Variants in MEI4 observed in about 807,000 individuals in gnomAD.
The protein encoded by MEI4 is meiosis-specific protein MEI4.
A neutral mutation model predicts 31.4 loss-of-function variants in MEI4; 27 were observed. The ratio of observed to expected loss-of-function variants is 0.86; its 90% CI spans 0.63 to 1.19. The LOEUF (loss-of-function observed/expected upper bound fraction) is 1.19. Ranked by LOEUF, MEI4 falls within the 50% of genes most tolerant of loss-of-function variation. The pLI, the probability that MEI4 is intolerant of heterozygous loss-of-function variation, is 0.00. For synonymous variants in MEI4, 122 were observed against 145.4 expected (o/e 0.84, Z 1.16); for missense variants, 329 against 398.9 (o/e 0.82, Z 1.49).
At chr6:77,698,040 T>G (rs1766100454) in intron 2 of MEI4, among the ~76,000 whole-genome samples, 1 of 152,228 alleles carries the variant, frequency 6.6e-6, no homozygotes. Flanking sequence ...TTGTGTCTTT[T>G]GATCTTTGTT....
chr6:77,873,190 A>T (rs1358685785), intron 4 of MEI4, among the ~76,000 whole-genome samples: 1 of 152,206 alleles, frequency 6.6e-6, no homozygotes, highest in Non-Finnish European at 1.5e-5. Context: ...TGACTTCCAC[A>T]ATGGTTGAAC....
chr6:77,659,052 G>T (rs1053517094), intron 1 of MEI4, among the ~76,000 whole-genome samples: 10 of 152,140 alleles, frequency 6.6e-5, no homozygotes, highest in Non-Finnish European at 1.3e-4. Flanking sequence ...GGGCCTGGAG[G>T]ACTGATAAAG....
intron 2 of MEI4, among the ~76,000 whole-genome samples, chr6:77,697,252 G>A (rs562081637): frequency 1.7e-4 from 26 of 152,096 alleles, no homozygotes; most frequent in African/African-American, 6.3e-4. Flanking sequence ...AGAGTTTTTT[G>A]TGTCTCTATT....
In MEI4 at chr6:77,684,470, G is replaced by A. The variant is rs9443438; in HGVS notation, c.-14-6188G>A. On this transcript the variant is annotated intron_variant, in intron 1 of 4. Transcript: ENST00000684080. ...CTGTCTACTTTTTTTTTTGGTACCC[G>A]TTACCTATCCCCACCTTTCCCCAGG... 8.1e-3 allele frequency among the ~76,000 whole-genome samples: 1,226 copies of A among 151,004 alleles called. 14 individuals carry two copies. Among genetic ancestry groups the A allele is most frequent in the African/African-American group, 0.027 (1,102 of 41,170 alleles).
At chr6:77,742,514 ATAT>A (rs1767439381) in intron 2 of MEI4, among the ~76,000 whole-genome samples, 1 of 151,990 alleles carries the variant, frequency 6.6e-6, no homozygotes, top group Admixed American at 6.6e-5. Context: ...TAGATTCTGG[ATAT>A]TAGCCCCTTG....
At chr6:77,689,494 T>A (rs538724060) in intron 1 of MEI4, among the ~76,000 whole-genome samples, 27 of 150,088 alleles carry the variant, frequency 1.8e-4, no homozygotes, top group Middle Eastern at 3.4e-3. Context: ...TATCAGATAG[T>A]TAGTTACACA....
chr6:77,817,904 CACTT>C (rs1013895682), intron 3 of MEI4, among the ~76,000 whole-genome samples: 9 of 152,284 alleles, frequency 5.9e-5, no homozygotes, highest in African/African-American at 1.9e-4. Context: ...TTGTGTCACT[CACTT>C]AGGCAGTGTC....
intron 3 of MEI4, among the ~76,000 whole-genome samples, chr6:77,774,664 A>T (rs2127687728): frequency 6.6e-6 from 1 of 152,168 alleles, no homozygotes; most frequent in South Asian, 2.1e-4. Context: ...ATCATAGCAT[A>T]TATGCCTGAG....
chr6:77,893,261 A>AT (rs1047715511), intron 4 of MEI4, among the ~76,000 whole-genome samples: 5 of 152,008 alleles, frequency 3.3e-5, no homozygotes, highest in African/African-American at 7.2e-5. Flanking sequence ...TACAAGAACC[A>AT]TTTTTTTTAA....
intron 3 of MEI4, among the ~76,000 whole-genome samples, chr6:77,810,896 A>T (rs1198987866): frequency 6.6e-6 from 1 of 152,116 alleles, no homozygotes; most frequent in Non-Finnish European, 1.5e-5. Context: ...GTTTGAATAT[A>T]TCTTCTTGAT....
At chr6:77,719,079 C>T (rs1248355131) in intron 2 of MEI4, among the ~76,000 whole-genome samples, 2 of 136,498 alleles carry the variant, frequency 1.5e-5, no homozygotes, top group Admixed American at 7.3e-5. Flanking sequence ...TCTGTTAAGT[C>T]GCTATCAACA....
chr6:77,797,509 T>G (rs369177139), intron 3 of MEI4, among the ~76,000 whole-genome samples: 1 of 152,010 alleles, frequency 6.6e-6, no homozygotes, highest in Admixed American at 6.6e-5. Context: ...AAGAAGCCAG[T>G]AGTGACTCAG....
Position 77,923,496 on chromosome 6 carries a change from T to A in MEI4, c.*150T>A. On this transcript the variant is annotated 3_prime_UTR_variant, in exon 5 of 5. Transcript: ENST00000684080. ...ATCAATTCAACTTAATGGTTAGTCTTAAATTGTATGAAATTTTATGAGTCA... is the reference window on the plus strand; with the variant it reads ...ATCAATTCAACTTAATGGTTAGTCTAAAATTGTATGAAATTTTATGAGTCA... 1.4e-6 allele frequency: 1 copy of A among 696,158 alleles called. No individual in the cohort carries two copies. Among genetic ancestry groups the A allele is most frequent in the Non-Finnish European group, 2.0e-6 (1 of 503,362 alleles). 43.1% of individuals were successfully genotyped at this position (696,158 alleles called of 1,614,324 possible).
chr6:77,775,192 C>A (rs1212941504), intron 3 of MEI4, among the ~76,000 whole-genome samples: 3 of 152,030 alleles, frequency 2.0e-5, no homozygotes, highest in South Asian at 2.1e-4. Flanking sequence ...GTTTTTCTTT[C>A]TTCTATCATT....
intron 3 of MEI4, among the ~76,000 whole-genome samples, chr6:77,802,095 A>G (rs1023401783): frequency 3.9e-5 from 6 of 151,956 alleles, no homozygotes; most frequent in South Asian, 2.1e-4. Context: ...TTATTATTGT[A>G]TGGGAGTCTA....
chr6:77,812,775 G>A (rs1208452037), intron 3 of MEI4, among the ~76,000 whole-genome samples: 1 of 152,078 alleles, frequency 6.6e-6, no homozygotes, highest in Non-Finnish European at 1.5e-5. Flanking sequence ...GTGAAACCAT[G>A]TGGGCTGTTG....
At chr6:77,713,932 T>C (rs1303480415) in intron 2 of MEI4, among the ~76,000 whole-genome samples, 1 of 152,088 alleles carries the variant, frequency 6.6e-6, no homozygotes, top group Non-Finnish European at 1.5e-5. Context: ...GTTAAGATCA[T>C]GTCTTAAGTG....
Position 77,923,352 on chromosome 6 carries a change from T to C in MEI4, c.*6T>C. ...TAGAAACTCTTAGAAAATAACTCCA[T>C]TCCTTAGCAATTTACCACGTTTGAA... On this transcript the variant is annotated 3_prime_UTR_variant, in exon 5 of 5. Transcript: ENST00000684080. 8.1e-7 allele frequency: 1 copy of C among 1,229,480 alleles called. No homozygotes were observed. The highest frequency in any genetic ancestry group is 1.0e-6 in the Non-Finnish European group (1 of 986,068). 76.2% of individuals were successfully genotyped at this position (1,229,480 alleles called of 1,614,324 possible).
chr6:77,756,370 T>A (rs559975236), intron 2 of MEI4, among the ~76,000 whole-genome samples: 92 of 152,276 alleles, frequency 6.0e-4, no homozygotes, highest in African/African-American at 2.1e-3. Flanking sequence ...ATTATTTACC[T>A]TATTAGGGAG....
Sources: allele counts gnomAD v4.1 joint callset (sites outside exome capture counted in the v4.1 genomes callset), GRCh38; gene constraint gnomAD v4.1.1; transcripts MANE v1.5; gene names NCBI Gene and HGNC (gene_info 2026-07-23, HGNC 2026-07-21).